The following GPC5 variants were observed in gnomAD, a reference collection of about 807,000 sequenced individuals.
The protein encoded by GPC5 is glypican 5.
GPC5 carries 47 observed loss-of-function variants against 53.9 expected under a neutral mutation model. The observed-to-expected ratio is 0.87, with a 90% confidence interval of 0.69 to 1.11. GPC5 has a LOEUF of 1.11. Among genes scored for constraint, GPC5 ranks in the 50% most tolerant of loss-of-function variants. The probability of loss-of-function intolerance (pLI) is 0.00; values close to 1 mark genes in which losing one functional copy is unlikely to be tolerated. For missense variants in GPC5, 748 were observed against 713.1 expected (o/e 1.05, Z -0.56); for synonymous variants, 286 against 263.3 (o/e 1.09, Z -0.84).
At chr13:92,559,398 T>A (rs1882619290) in intron 7 of GPC5, among the ~76,000 whole-genome samples, 2 of 150,808 alleles carry the variant, frequency 1.3e-5, no homozygotes, top group Admixed American at 1.3e-4. Flanking sequence ...GTGTACTATT[T>A]TCTGCATACT....
chr13:92,772,792 T>C (rs529413442), intron 7 of GPC5, among the ~76,000 whole-genome samples: 1 of 152,316 alleles, frequency 6.6e-6, no homozygotes, highest in East Asian at 1.9e-4. Context: ...ATAAATTCAA[T>C]TCAAAAATAT....
intron 7 of GPC5, among the ~76,000 whole-genome samples, chr13:92,550,519 C>T (rs1882275401): frequency 6.6e-6 from 1 of 151,676 alleles, no homozygotes; most frequent in Non-Finnish European, 1.5e-5. Context: ...TCTTGATTTT[C>T]AATCAGGATC....
chr13:92,184,408 G>A (rs1028999038), intron 7 of GPC5, among the ~76,000 whole-genome samples: 2 of 152,076 alleles, frequency 1.3e-5, no homozygotes, highest in Admixed American at 1.3e-4. Context: ...ATATATCTTT[G>A]AATAGGCAGC....
At chr13:92,123,545 A>G (rs544289988) in intron 6 of GPC5, among the ~76,000 whole-genome samples, 7 of 152,304 alleles carry the variant, frequency 4.6e-5, no homozygotes, top group Admixed American at 3.3e-4. Flanking sequence ...GACTTGCAAA[A>G]ATGTGGCAAA....
intron 5 of GPC5, among the ~76,000 whole-genome samples, chr13:91,822,053 A>G (rs947884332): frequency 6.6e-6 from 1 of 152,198 alleles, no homozygotes; most frequent in African/African-American, 2.4e-5. Context: ...CAGAGCTCTG[A>G]CTACACCGTA....
At chr13:92,169,540 G>A (rs2042054645) in intron 7 of GPC5, among the ~76,000 whole-genome samples, 1 of 152,018 alleles carries the variant, frequency 6.6e-6, no homozygotes, top group Non-Finnish European at 1.5e-5. Context: ...TAGAATACTG[G>A]CACTTTGAAG....
chr13:92,743,232 C>T (rs1002520191), intron 7 of GPC5, among the ~76,000 whole-genome samples: 30 of 152,000 alleles, frequency 2.0e-4, no homozygotes, highest in Non-Finnish European at 7.4e-5. Flanking sequence ...AAATGTTCTT[C>T]CATTTACTTG....
chr13:92,746,929 A>G lies in GPC5; in HGVS notation c.1562-119353A>G, dbSNP rs958056436. 5.3e-5 allele frequency among the ~76,000 whole-genome samples: 8 copies of G among 152,136 alleles called. No homozygotes were observed. In the South Asian group the frequency reaches 1.0e-3, roughly 20 times the overall value. ...TACACAAACCTAGGTGATGTAACCT[A>G]TTGCACACTTAAGTATATGGTATAG... On this transcript the variant is annotated intron_variant, in intron 7 of 7. Coordinates refer to ENST00000377067, the MANE Select transcript of GPC5 (RefSeq NM_004466.6).
chr13:92,418,769 C>T (rs778528727), intron 7 of GPC5, among the ~76,000 whole-genome samples: 13 of 152,088 alleles, frequency 8.5e-5, no homozygotes, highest in South Asian at 2.1e-4. Flanking sequence ...AATTACTTTG[C>T]TTTCATGTTC....
chr13:91,459,865 A>G (rs1251618927), intron 2 of GPC5, among the ~76,000 whole-genome samples: 1 of 152,170 alleles, frequency 6.6e-6, no homozygotes, highest in East Asian at 1.9e-4. Context: ...ATAATTCACA[A>G]TTCTACACAA....
At chr13:92,661,239 T>C (rs898110604) in intron 7 of GPC5, among the ~76,000 whole-genome samples, 1 of 151,642 alleles carries the variant, frequency 6.6e-6, no homozygotes, top group African/African-American at 2.4e-5. Flanking sequence ...TGTCTGCAGT[T>C]AGCCATATCA....
intron 2 of GPC5, among the ~76,000 whole-genome samples, chr13:91,660,312 A>C (rs563660576): frequency 4.6e-5 from 7 of 152,226 alleles, no homozygotes; most frequent in African/African-American, 1.7e-4. Flanking sequence ...TTTTATTTTT[A>C]TGTATGGTCT....
chr13:92,090,181 G>GT (rs1172333979), intron 6 of GPC5, among the ~76,000 whole-genome samples: 1 of 152,100 alleles, frequency 6.6e-6, no homozygotes, highest in African/African-American at 2.4e-5. Context: ...GTTTCTTGTT[G>GT]TTTTATCATC....
intron 5 of GPC5, among the ~76,000 whole-genome samples, chr13:91,796,398 C>G (rs2038047953): frequency 6.6e-6 from 1 of 152,188 alleles, no homozygotes; most frequent in Non-Finnish European, 1.5e-5. Context: ...CGAGCCAAAG[C>G]TCAGCTTGAG....
chr13:91,478,822 T>TATATATATATATATATATATATATAC (rs1323023652), intron 2 of GPC5, among the ~76,000 whole-genome samples: 2 of 92,176 alleles, frequency 2.2e-5, no homozygotes, highest in African/African-American at 1.0e-4. Flanking sequence ...TATATATATA[T>TATATATATATATATATATATATATAC]ACACACACAC....
intron 7 of GPC5, among the ~76,000 whole-genome samples, chr13:92,865,659 A>G (rs912853073): frequency 5.3e-5 from 8 of 152,196 alleles, no homozygotes; most frequent in Admixed American, 1.3e-4. Context: ...TGTTCCCTCC[A>G]CAAGAAAAAT....
At chr13:92,552,015 C>A (rs1455971989) in intron 7 of GPC5, among the ~76,000 whole-genome samples, 1 of 151,782 alleles carries the variant, frequency 6.6e-6, no homozygotes, top group Non-Finnish European at 1.5e-5. Flanking sequence ...TGTTACTGTG[C>A]TAATAATGTA....
intron 7 of GPC5, among the ~76,000 whole-genome samples, chr13:92,695,739 A>G (rs1887538923): frequency 6.6e-6 from 1 of 151,694 alleles, no homozygotes; most frequent in South Asian, 2.1e-4. Context: ...TCTGGGGTAC[A>G]TGTGCAGAAA....
chr13:92,107,100 T>C (rs530767484), intron 6 of GPC5, among the ~76,000 whole-genome samples: 11 of 152,100 alleles, frequency 7.2e-5, no homozygotes, highest in Non-Finnish European at 1.3e-4. Context: ...TTCTCACTTT[T>C]ATAAGTTTTT....
Sources: allele counts gnomAD v4.1 joint callset (sites outside exome capture counted in the v4.1 genomes callset), GRCh38; gene constraint gnomAD v4.1.1; transcripts MANE v1.5; gene names NCBI Gene and HGNC (gene_info 2026-07-23, HGNC 2026-07-21).